The following RHBDD1 variants were observed in gnomAD, a reference collection of about 807,000 sequenced individuals.
RHBDD1 encodes rhomboid domain containing 1, also known as rhomboid-related protein 4.
Under a neutral mutation model 36.3 loss-of-function variants are expected in RHBDD1, and 38 were observed. That is an observed-to-expected ratio of 1.05 (90% CI 0.81 to 1.37). The LOEUF (loss-of-function observed/expected upper bound fraction) is 1.37. Among genes scored for constraint, RHBDD1 ranks in the 40% most tolerant of loss-of-function variants. The pLI, the probability that RHBDD1 is intolerant of heterozygous loss-of-function variation, is 0.00. For missense variants in RHBDD1, 393 were observed against 377.6 expected (o/e 1.04, Z -0.34); for synonymous variants, 151 against 136.5 (o/e 1.11, Z -0.74).
chr2:226,878,916 G>A (rs1945466212), intron 5 of RHBDD1, among the ~76,000 whole-genome samples: 1 of 152,128 alleles, frequency 6.6e-6, no homozygotes, highest in African/African-American at 2.4e-5. Context: ...GAGTGAAAGA[G>A]TCTTGGGGAC....
At chr2:226,801,747 G>A in the RHBDD1 span, among the ~76,000 whole-genome samples, 1 of 152,174 alleles carries the variant, frequency 6.6e-6, no homozygotes, top group Non-Finnish European at 1.5e-5. Flanking sequence ...GCCTTACAGG[G>A]GGTAGGGCAG....
intron 5 of RHBDD1, among the ~76,000 whole-genome samples, chr2:226,874,162 G>T (rs1185173041): frequency 6.6e-6 from 1 of 152,082 alleles, no homozygotes; most frequent in Non-Finnish European, 1.5e-5. Flanking sequence ...GACACATGAG[G>T]AGTATATTCA....
At chr2:226,836,691 T>C (rs1163966079) in intron 1 of RHBDD1, among the ~76,000 whole-genome samples, 1 of 152,212 alleles carries the variant, frequency 6.6e-6, no homozygotes, top group Non-Finnish European at 1.5e-5. Context: ...TCAAAATGAA[T>C]GAGTGCCTGC....
At chr2:226,867,708 T>A in intron 5 of RHBDD1, 2 of 921,150 alleles carry the variant, frequency 2.2e-6, no homozygotes, top group Non-Finnish European at 1.3e-6. Context: ...TCTAATGCTT[T>A]TTATTATTAT....
chr2:226,845,386 A>G (rs1186327845), intron 3 of RHBDD1, among the ~76,000 whole-genome samples: 2 of 152,224 alleles, frequency 1.3e-5, no homozygotes, highest in African/African-American at 2.4e-5. Flanking sequence ...AGCCTATGTT[A>G]TCTTTTACAA....
At chr2:226,981,646 TA>T (rs1298091932) in intron 8 of RHBDD1, among the ~76,000 whole-genome samples, 1 of 152,062 alleles carries the variant, frequency 6.6e-6, no homozygotes, top group Admixed American at 6.6e-5. Flanking sequence ...TAATCAGACC[TA>T]AAAGAACACA....
chr2:226,944,813 T>G (rs1260505241), intron 8 of RHBDD1, among the ~76,000 whole-genome samples: 1 of 152,206 alleles, frequency 6.6e-6, no homozygotes, highest in African/African-American at 2.4e-5. Flanking sequence ...AATCTGGGTA[T>G]TGATGCCAAA....
intron 5 of RHBDD1, chr2:226,895,812 A>G: frequency 3.0e-6 from 3 of 985,424 alleles, no homozygotes; most frequent in Non-Finnish European, 2.4e-6. Context: ...CAGCAACAGC[A>G]AAACTATTTA....
chr2:226,937,429 CT>C (rs1187152410), intron 8 of RHBDD1, among the ~76,000 whole-genome samples: 1 of 151,932 alleles, frequency 6.6e-6, no homozygotes, highest in South Asian at 2.1e-4. Flanking sequence ...TAATTCCTTT[CT>C]TTTTTTAACT....
chr2:226,830,047 G>A, the RHBDD1 span, among the ~76,000 whole-genome samples: 1 of 151,772 alleles, frequency 6.6e-6, no homozygotes, highest in African/African-American at 2.4e-5. Context: ...ACTTCCCGGA[G>A]AGCTTTTATC....
intron 8 of RHBDD1, among the ~76,000 whole-genome samples, chr2:226,964,435 G>C (rs1298540103): frequency 6.6e-6 from 1 of 151,998 alleles, no homozygotes; most frequent in Non-Finnish European, 1.5e-5. Context: ...AATATGGTCT[G>C]GTCTCTTTCC....
At chr2:226,815,565 A>C in the RHBDD1 span, among the ~76,000 whole-genome samples, 1 of 152,208 alleles carries the variant, frequency 6.6e-6, no homozygotes, top group Non-Finnish European at 1.5e-5. Flanking sequence ...ATATTGTATT[A>C]ATTGAAGCAT....
chr2:226,984,934 G>T (rs1398092460), intron 8 of RHBDD1, among the ~76,000 whole-genome samples: 1 of 151,360 alleles, frequency 6.6e-6, no homozygotes, highest in African/African-American at 2.4e-5. Flanking sequence ...TTGGGGTGGG[G>T]GAGGGGGAGG....
At chr2:226,915,363 A>G (rs1191525831) in intron 8 of RHBDD1, among the ~76,000 whole-genome samples, 1 of 152,198 alleles carries the variant, frequency 6.6e-6, no homozygotes, top group Admixed American at 6.5e-5. Flanking sequence ...TGAATGGACA[A>G]TAAGAGAAGA....
chr2:226,904,520 G>A (rs1037479751), intron 5 of RHBDD1, among the ~76,000 whole-genome samples: 6 of 152,028 alleles, frequency 3.9e-5, no homozygotes, highest in African/African-American at 1.5e-4. Flanking sequence ...GCGTGTCTGT[G>A]TGTGTGTGCA....
At chr2:226,927,765 C>G (rs1442658521) in intron 8 of RHBDD1, among the ~76,000 whole-genome samples, 1 of 151,986 alleles carries the variant, frequency 6.6e-6, no homozygotes, top group Admixed American at 6.6e-5. Flanking sequence ...GCTGAAGTTT[C>G]TGTTCCATTA....
At chr2:226,905,125 A>C (rs1265279872) in intron 5 of RHBDD1, among the ~76,000 whole-genome samples, 1 of 149,684 alleles carries the variant, frequency 6.7e-6, no homozygotes, top group Admixed American at 6.7e-5. Context: ...AGAGGTCACT[A>C]TTCCAGGCTG....
chr2:226,914,314 G>A lies in RHBDD1; in HGVS notation c.819G>A (p.Gln273=). 2 of 1,613,626 alleles carry A rather than the reference G, an allele frequency of 1.2e-6. No individual in the cohort carries two copies. The highest frequency in any genetic ancestry group is 2.2e-5 in the South Asian group (2 of 91,066). ...CAGCAGGACTGAGTGAAGAAGAACA[G>A]CTCGAGAGAGCATTACAAGCCAGCC... ...TYTAGLSEEE[Q]LERALQASLW... is the part of the protein sequence containing the mutation. The change falls in exon 8 of 9, where the codon CAG becomes CAA. Residue 273 remains glutamine (Q), a synonymous_variant. Coordinates refer to ENST00000392062, the MANE Select transcript of RHBDD1 (RefSeq NM_001167608.3).
chr2:226,890,194 G>A (rs1281815048), intron 5 of RHBDD1, among the ~76,000 whole-genome samples: 2 of 152,178 alleles, frequency 1.3e-5, no homozygotes, highest in Admixed American at 6.5e-5. Flanking sequence ...AGATTTTAGA[G>A]AGCCCTTTAA....
Sources: gnomAD v4.1 joint callset for allele counts (sites outside exome capture counted in the v4.1 genomes callset) on GRCh38, gnomAD v4.1.1 for gene constraint, MANE v1.5 for transcripts, NCBI Gene and HGNC (gene_info 2026-07-23, HGNC 2026-07-21) for gene names.